GOLGA1: variants seen among roughly 807,000 people sequenced by gnomAD.
GOLGA1 encodes the protein golgin subfamily A member 1.
Under a neutral mutation model 119.7 loss-of-function variants are expected in GOLGA1, and 63 were observed. The ratio of observed to expected loss-of-function variants is 0.53; its 90% CI spans 0.43 to 0.65. The LOEUF (loss-of-function observed/expected upper bound fraction) is 0.65, where lower values mean the gene tolerates loss of function less well. GOLGA1 is among the 30% of genes least tolerant of loss of function. The pLI is 0.00. For synonymous variants in GOLGA1, 318 were observed against 333.4 expected, an observed-to-expected ratio of 0.95 and a Z score of 0.50; for missense variants, 798 against 912.8, an observed-to-expected ratio of 0.87 and a Z score of 1.62.
At chr9:124,893,461 CTTTGAT>C (rs1253927703) in intron 15 of GOLGA1, among the ~76,000 whole-genome samples, 1 of 152,008 alleles carries the variant, frequency 6.6e-6, no homozygotes, top group Non-Finnish European at 1.5e-5. Flanking sequence ...GTTTACCTAT[CTTTGAT>C]TTTGTTTTTT....
chr9:124,939,557 T>C (rs866304886), intron 2 of GOLGA1, among the ~76,000 whole-genome samples: 1,927 of 121,154 alleles, frequency 0.016, 96 homozygotes, highest in East Asian at 0.078. Flanking sequence ...TTTCTTTTTT[T>C]TTTTTTTTTT....
At chr9:124,911,658 T>C (rs1830343625) in intron 11 of GOLGA1, among the ~76,000 whole-genome samples, 1 of 152,244 alleles carries the variant, frequency 6.6e-6, no homozygotes, top group Admixed American at 6.5e-5. Context: ...TTATTGGTGA[T>C]GAGATGCTAT....
intron 12 of GOLGA1, among the ~76,000 whole-genome samples, chr9:124,902,737 C>A (rs1217622659): frequency 6.6e-6 from 1 of 152,194 alleles, no homozygotes; most frequent in African/African-American, 2.4e-5. Flanking sequence ...GATCCGCCCG[C>A]CTCAGCCTCC....
chr9:124,926,471 C>T (rs1168968808), intron 7 of GOLGA1, among the ~76,000 whole-genome samples: 2 of 152,022 alleles, frequency 1.3e-5, no homozygotes, highest in Non-Finnish European at 2.9e-5. Flanking sequence ...CGTTCAGGTA[C>T]ACAGAGAAAG....
intron 11 of GOLGA1, 28 bp downstream of exon 11, chr9:124,911,873 C>T: frequency 6.2e-7 from 1 of 1,602,036 alleles, no homozygotes; most frequent in Non-Finnish European, 8.5e-7. Context: ...TTTCCAACAC[C>T]AGCCAGCCCA....
At chr9:124,901,469 CTG>C (rs1487029796) in intron 12 of GOLGA1, among the ~76,000 whole-genome samples, 1 of 147,760 alleles carries the variant, frequency 6.8e-6, no homozygotes, top group African/African-American at 2.5e-5. Context: ...GAGTCTCACT[CTG>C]TTGCCCAGGC....
At position 124,903,476 on chromosome 9, in the gene GOLGA1, TA is replaced by T. The variant is rs746201729; in HGVS notation, c.1066-2930del. 2.2e-3 allele frequency among the ~76,000 whole-genome samples: 293 copies of T among 135,416 alleles called. 1 individual carries two copies. Among genetic ancestry groups the T allele is most frequent in the Non-Finnish European group, 2.0e-3 (126 of 61,958 alleles). The allele number at this position is 135,416 out of a possible 152,430, so 88.8% of individuals were successfully genotyped here. On this transcript the variant is annotated intron_variant, in intron 12 of 22. Transcript: ENST00000373555. Reference sequence around the variant, plus strand: ...CTGGGCAACAGAGCGAGATTTTGTCTAAAAAAAAAAAAGCTATGCCTTTGCC... The same window carrying T: ...CTGGGCAACAGAGCGAGATTTTGTCTAAAAAAAAAAAGCTATGCCTTTGCC...
chr9:124,940,750 G>C (rs1830994751), intron 1 of GOLGA1, among the ~76,000 whole-genome samples: 1 of 152,176 alleles, frequency 6.6e-6, no homozygotes, highest in Non-Finnish European at 1.5e-5. Flanking sequence ...GAGGAGGAGC[G>C]ACTTGTCCAA....
intron 10 of GOLGA1, among the ~76,000 whole-genome samples, chr9:124,917,864 T>C (rs952062029): frequency 2.0e-5 from 3 of 151,670 alleles, no homozygotes; most frequent in Non-Finnish European, 4.4e-5. Flanking sequence ...TATATATTTT[T>C]TTTTTGAGAC....
Position 124,900,492 on chromosome 9 carries a change from T to G in GOLGA1, c.1121A>C (p.Lys374Thr). ...QASEEQLQQS[K>T]GIVAAQETQI... Reference sequence around the variant, plus strand: ...AGTTTCCTGGGCAGCCACAATGCCCTTGCTCTGTTGGAGCTGCTCCTCAGA... The same window carrying G: ...AGTTTCCTGGGCAGCCACAATGCCCGTGCTCTGTTGGAGCTGCTCCTCAGA... The change falls in exon 13 of 23, where the codon AAG becomes ACG. Residue 374 changes from lysine to threonine, a missense_variant. By Grantham distance (78) the Lys-to-Thr change is moderately conservative (BLOSUM62 -1). Coordinates refer to ENST00000373555, the MANE Select transcript of GOLGA1 (RefSeq NM_002077.4). 1 of 1,603,962 alleles carries G rather than the reference T, an allele frequency of 6.2e-7. No individual in the cohort carries two copies. The highest frequency in any genetic ancestry group is 8.5e-7 in the Non-Finnish European group (1 of 1,170,734).
At chr9:124,914,525 A>G (rs1296883666) in intron 10 of GOLGA1, among the ~76,000 whole-genome samples, 3 of 152,184 alleles carry the variant, frequency 2.0e-5, no homozygotes, top group Non-Finnish European at 4.4e-5. Flanking sequence ...GGAAAGAAAA[A>G]GAGTAACTGT....
At chr9:124,882,011 T>C in intron 20 of GOLGA1, 57 bp from the exon 21 acceptor site, 1 of 1,306,184 alleles carries the variant, frequency 7.7e-7, no homozygotes, top group Admixed American at 2.2e-5. Flanking sequence ...GTGGAAAAAA[T>C]CACACGGGAG....
intron 15 of GOLGA1, among the ~76,000 whole-genome samples, chr9:124,898,326 C>T (rs1294697305): frequency 1.3e-5 from 2 of 152,180 alleles, no homozygotes; most frequent in African/African-American, 4.8e-5. Flanking sequence ...ACCCTCGGAA[C>T]CTCAATGACA....
intron 3 of GOLGA1, among the ~76,000 whole-genome samples, chr9:124,932,769 C>T (rs912907427): frequency 6.6e-6 from 1 of 152,134 alleles, no homozygotes; most frequent in Non-Finnish European, 1.5e-5. Flanking sequence ...AATTAAGGTG[C>T]CAGCAGATTT....
chr9:124,947,073 A>C (rs1831156404), intron 1 of GOLGA1: 1 of 152,206 alleles, frequency 6.6e-6, no homozygotes, highest in Non-Finnish European at 1.5e-5. Flanking sequence ...ACACTGATGA[A>C]AAAAGAATTG....
chr9:124,899,102 G>C (rs1056612455), intron 14 of GOLGA1, among the ~76,000 whole-genome samples: 5 of 152,150 alleles, frequency 3.3e-5, no homozygotes, highest in African/African-American at 1.2e-4. Flanking sequence ...AGGCTGAGGT[G>C]GCAGGATCAC....
rs1389315281 is a variant in GOLGA1 at position 124,894,510 on chromosome 9, C to A, written c.1408-4032G>T. On this transcript the variant is annotated intron_variant, in intron 15 of 22. Coordinates refer to ENST00000373555, the MANE Select transcript of GOLGA1 (RefSeq NM_002077.4). Reference sequence around the variant, plus strand: ...CTCCTGGGCTCCCAAGCAGCTGGAACTATAGGCACACAGGCTTCCTAATTT... The same window carrying A: ...CTCCTGGGCTCCCAAGCAGCTGGAAATATAGGCACACAGGCTTCCTAATTT... Among the ~76,000 whole-genome samples the A allele has an allele frequency of 3.3e-5, 5 of 152,056 alleles. No individual in the cohort carries two copies. The East Asian group carries it at 9.6e-4, about 29-fold the overall frequency.
chr9:124,893,042 C>G (rs1407024837), intron 15 of GOLGA1, among the ~76,000 whole-genome samples: 3 of 151,892 alleles, frequency 2.0e-5, no homozygotes, highest in Admixed American at 2.0e-4. Context: ...GCTCTATCAC[C>G]CAGGCTGCAG....
rs904962605 is a variant in GOLGA1, at chr9:124,888,328, C to T, written c.1830G>A (p.Glu610=). The T allele has an allele frequency of 1.2e-6, 2 of 1,613,938 alleles. No homozygotes were observed. Among genetic ancestry groups the T allele is most frequent in the African/African-American group, 2.7e-5 (2 of 75,040 alleles). Residue 610 remains glutamate (E), a synonymous_variant, in exon 19 of 23, where the codon GAG becomes GAA. Transcript: ENST00000373555. This position sits in a 1 kb window ranked among gnomAD's most constrained non-coding sequence, Gnocchi z 4.4. The stretch of plus-strand genomic sequence containing the variant: ...GCTGTGTGAGATCCATGGCCCCAAC[C>T]TCACCATTTGGTGTTCTTCCTGCAG... ...LPTAGRTPNG[E]VGAMDLTQLQ...
Sources: gnomAD v4.1 joint callset for allele counts (sites outside exome capture counted in the v4.1 genomes callset) on GRCh38, gnomAD v4.1.1 for gene constraint, Gnocchi (gnomAD v3.1) non-coding constraint, MANE v1.5 for transcripts, NCBI Gene and HGNC (gene_info 2026-07-23, HGNC 2026-07-21) for gene names.